Variants in GAS2 observed in about 807,000 individuals in gnomAD.
GAS2 encodes growth arrest-specific protein 2.
In GAS2, 20 loss-of-function variants were observed where a neutral mutation model predicts 37.5. The observed-to-expected ratio is 0.53, with a 90% CI of 0.37 to 0.77. The LOEUF (loss-of-function observed/expected upper bound fraction) is 0.77, where lower values mean the gene tolerates loss of function less well. Among genes scored for constraint, GAS2 ranks in the 30% least tolerant of loss-of-function variants. GAS2 has a pLI of 0.00. For missense variants in GAS2, 336 were observed against 373.4 expected (o/e 0.90, Z 0.82); for synonymous variants, 144 against 132.2 (o/e 1.09, Z -0.61).
At chr11:22,743,667 T>C (rs928876597) in intron 5 of GAS2, among the ~76,000 whole-genome samples, 1 of 152,208 alleles carries the variant, frequency 6.6e-6, no homozygotes, top group Non-Finnish European at 1.5e-5. Flanking sequence ...TCATTTCTAC[T>C]TTTCTGATGG....
chr11:22,702,720 T>A (rs1850911926), intron 3 of GAS2: 1 of 152,198 alleles, frequency 6.6e-6, no homozygotes, highest in Non-Finnish European at 1.5e-5. Flanking sequence ...TAATGTTCTC[T>A]ACATATTGGG....
intron 5 of GAS2, among the ~76,000 whole-genome samples, chr11:22,747,029 T>TA (rs951135741): frequency 7.9e-5 from 12 of 151,974 alleles, no homozygotes; most frequent in South Asian, 2.1e-4. Flanking sequence ...ACTAGAAAAC[T>TA]AAAAAAAATG....
intron 6 of GAS2, among the ~76,000 whole-genome samples, chr11:22,754,581 G>A (rs908615162): frequency 6.6e-6 from 1 of 150,490 alleles, no homozygotes; most frequent in Non-Finnish European, 1.5e-5. Flanking sequence ...AAATTTATGA[G>A]ATAAATTTAA....
intron 7 of GAS2, among the ~76,000 whole-genome samples, chr11:22,768,101 A>G (rs561418905): frequency 1.3e-5 from 2 of 152,324 alleles, no homozygotes; most frequent in South Asian, 2.1e-4. Flanking sequence ...GGCTGGGTGT[A>G]CAGTGTTTCA....
At chr11:22,717,601 AT>A (rs945698705) in intron 3 of GAS2, among the ~76,000 whole-genome samples, 1 of 152,114 alleles carries the variant, frequency 6.6e-6, no homozygotes, top group Non-Finnish European at 1.5e-5. Context: ...CCAAGAGCAA[AT>A]GCAACAAAAC....
chr11:22,808,612 C>T (rs1037189302), intron 7 of GAS2, among the ~76,000 whole-genome samples: 1 of 152,160 alleles, frequency 6.6e-6, no homozygotes, highest in Non-Finnish European at 1.5e-5. Flanking sequence ...ACTGTTGTGA[C>T]TGGTGGTTCT....
intron 3 of GAS2, among the ~76,000 whole-genome samples, chr11:22,691,326 G>A (rs1850237915): frequency 6.6e-6 from 1 of 152,104 alleles, no homozygotes; most frequent in Non-Finnish European, 1.5e-5. Flanking sequence ...GTTGTTTTGT[G>A]CCATCTGGGA....
upstream of GAS2, among the ~76,000 whole-genome samples, chr11:22,661,618 A>T (rs1312152748): frequency 6.6e-6 from 1 of 152,222 alleles, no homozygotes; most frequent in African/African-American, 2.4e-5. Flanking sequence ...TAGAAGAGTG[A>T]ATCAGATTTC....
upstream of GAS2, among the ~76,000 whole-genome samples, chr11:22,661,746 A>T (rs372085224): frequency 6.6e-6 from 1 of 152,238 alleles, no homozygotes; most frequent in Non-Finnish European, 1.5e-5. Context: ...AAGTCTACCA[A>T]TAACAATATA....
At chr11:22,735,560 A>G (rs1852710010) in intron 4 of GAS2, among the ~76,000 whole-genome samples, 1 of 151,862 alleles carries the variant, frequency 6.6e-6, no homozygotes, top group East Asian at 1.9e-4. Flanking sequence ...GAGTTTTGGC[A>G]TGCAAAAGCT....
Position 22,812,243 on chromosome 11 carries a change from A to T in GAS2, c.*227A>T. Reference sequence around the variant, plus strand: ...CTCAAATTTAAATTATCCAAATTTTAGGCAAATTATTATTTCTCAATATGC... The same window carrying T: ...CTCAAATTTAAATTATCCAAATTTTTGGCAAATTATTATTTCTCAATATGC... On this transcript the variant is annotated 3_prime_UTR_variant, in exon 8 of 8. Transcript: ENST00000454584. The T allele has an allele frequency of 2.1e-6, 1 of 483,764 alleles. No individual in the cohort carries two copies. 30.0% of individuals were successfully genotyped at this position (483,764 alleles called of 1,614,324 possible).
chr11:22,790,099 G>A (rs1856069409), intron 7 of GAS2, among the ~76,000 whole-genome samples: 1 of 152,072 alleles, frequency 6.6e-6, no homozygotes, highest in Non-Finnish European at 1.5e-5. Flanking sequence ...ACATGTTACA[G>A]CCAATGGCAT....
At chr11:22,711,974 C>T (rs942712028) in intron 3 of GAS2, among the ~76,000 whole-genome samples, 6 of 152,152 alleles carry the variant, frequency 3.9e-5, no homozygotes, top group Admixed American at 3.9e-4. Context: ...TGACCCTGTC[C>T]ATCACCTGAG....
intron 1 of GAS2, among the ~76,000 whole-genome samples, chr11:22,650,825 A>T (rs1353799503): frequency 6.6e-6 from 1 of 151,854 alleles, no homozygotes. Context: ...TGCCCGTGAG[A>T]TGGGTTTCCT....
Position 22,685,662 on chromosome 11 carries a change from T to C in GAS2, c.146-6T>C. On this transcript the variant is annotated splice_region_variant and splice_polypyrimidine_tract_variant and intron_variant, in intron 2 of 7. Transcript: ENST00000454584. Reference sequence around the variant, plus strand: ...CCTTTTATAATGCTTCTTTTTGTTATTTCAGGGAAGGAGATTACAGCAGAA... The same window carrying C: ...CCTTTTATAATGCTTCTTTTTGTTACTTCAGGGAAGGAGATTACAGCAGAA... The C allele has an allele frequency of 6.2e-7, 1 of 1,608,944 alleles. No individual in the cohort carries two copies. Among genetic ancestry groups the C allele is most frequent in the Non-Finnish European group, 8.5e-7 (1 of 1,178,116 alleles).
chr11:22,798,932 C>T (rs1856545635), intron 7 of GAS2, among the ~76,000 whole-genome samples: 1 of 152,020 alleles, frequency 6.6e-6, no homozygotes, highest in South Asian at 2.1e-4. Flanking sequence ...TAATATTAGA[C>T]AATGACAGAG....
At chr11:22,750,419 A>G (rs1402529157) in intron 6 of GAS2, among the ~76,000 whole-genome samples, 2 of 152,146 alleles carry the variant, frequency 1.3e-5, no homozygotes, top group African/African-American at 4.8e-5. Context: ...TAGATTAAGA[A>G]CCCTCATTTC....
chr11:22,708,173 C>G (rs769133628), intron 3 of GAS2, among the ~76,000 whole-genome samples: 4 of 151,922 alleles, frequency 2.6e-5, no homozygotes, highest in Non-Finnish European at 5.9e-5. Context: ...GATTAGGGGA[C>G]AGAACAAAAG....
At chr11:22,637,854 T>C (rs1410815649) in intron 1 of GAS2, among the ~76,000 whole-genome samples, 2 of 150,132 alleles carry the variant, frequency 1.3e-5, no homozygotes, top group Admixed American at 6.7e-5. Context: ...CTGCCACAGA[T>C]ATCTCCTTCC....
Sources: gnomAD v4.1 joint callset for allele counts (sites outside exome capture counted in the v4.1 genomes callset) on GRCh38, gnomAD v4.1.1 for gene constraint, MANE v1.5 for transcripts, NCBI Gene and HGNC (gene_info 2026-07-23, HGNC 2026-07-21) for gene names.